WAC: variants seen among roughly 807,000 people sequenced by gnomAD.
WAC encodes WW domain-containing adapter protein with coiled-coil.
WAC carries 11 observed loss-of-function variants against 79.6 expected under a neutral mutation model. That is an observed-to-expected ratio of 0.14 (90% CI 0.09 to 0.23). WAC has a LOEUF of 0.23. Ranked by LOEUF, WAC falls within the 10% of genes least tolerant of loss-of-function variation. The probability of loss-of-function intolerance (pLI) is 1.00; values close to 1 mark genes in which losing one functional copy is unlikely to be tolerated. For synonymous variants in WAC, 304 were observed against 276.9 expected (o/e 1.10, Z -0.97); for missense variants, 728 against 773.5 (o/e 0.94, Z 0.70).
intron 7 of WAC, among the ~76,000 whole-genome samples, chr10:28,605,693 G>A (rs1239389639): frequency 6.6e-6 from 1 of 151,890 alleles, no homozygotes; most frequent in Non-Finnish European, 1.5e-5. Context: ...CTTTTGCTTG[G>A]CTTGATGAGC....
At chr10:28,559,136 A>ATGTATGTGTGTGTGTG (rs1554780980) in intron 3 of WAC, among the ~76,000 whole-genome samples, 4 of 146,762 alleles carry the variant, frequency 2.7e-5, no homozygotes, top group South Asian at 2.2e-4. Flanking sequence ...GAGAAACCTG[A>ATGTATGTGTGTGTGTG]TGTGTGTGTG....
At chr10:28,566,369 A>C (rs1838613131) in intron 3 of WAC, among the ~76,000 whole-genome samples, 1 of 152,226 alleles carries the variant, frequency 6.6e-6, no homozygotes, top group South Asian at 2.1e-4. Flanking sequence ...TTTACTGTAT[A>C]ATGTCAGTCC....
intron 3 of WAC, among the ~76,000 whole-genome samples, chr10:28,561,180 A>G (rs184967210): frequency 2.0e-5 from 3 of 152,312 alleles, no homozygotes; most frequent in East Asian, 1.9e-4. Flanking sequence ...GAATATTTCA[A>G]AATATTTTAG....
rs75684162 is a variant in WAC, at chr10:28,573,360, T to A, written c.275-10039T>A. Among the ~76,000 whole-genome samples, 1,011 of 152,170 alleles carry A rather than the reference T, an allele frequency of 6.6e-3. 11 individuals are homozygous for A. The highest frequency in any genetic ancestry group is 0.024 in the African/African-American group (979 of 41,562). On this transcript the variant is annotated intron_variant, in intron 3 of 13. Transcript: ENST00000354911. Reference sequence around the variant, plus strand: ...CTTTCTGTCTCTCTAGATTTTTGTTTTCTGGATATGTCATATAAACTGATT... The same window carrying A: ...CTTTCTGTCTCTCTAGATTTTTGTTATCTGGATATGTCATATAAACTGATT...
At position 28,583,578 on chromosome 10, in the gene WAC, T is replaced by C. The variant is rs910849094; in HGVS notation, c.381+73T>C. 4.4e-4 allele frequency: 430 copies of C among 981,570 alleles called. 1 individual carries two copies. Among genetic ancestry groups the C allele is most frequent in the Admixed American group, 9.7e-4 (35 of 36,182 alleles). The allele number at this position is 981,570 out of a possible 1,614,324, so 60.8% of individuals were successfully genotyped here. A position where few individuals can be genotyped will look rare whatever the true frequency, so the allele number is the denominator to read the frequency against. On this transcript the variant is annotated intron_variant, in intron 4 of 13. Transcript: ENST00000354911. Reference sequence around the variant, plus strand: ...AAAAAAAAAAAAAAAATACAACCCATGGCAAGTCTTGTAAAATCTAATGTC... The same window carrying C: ...AAAAAAAAAAAAAAAATACAACCCACGGCAAGTCTTGTAAAATCTAATGTC...
intron 13 of WAC, 97 bp downstream of exon 13, chr10:28,617,881 AAG>A: frequency 7.3e-7 from 1 of 1,368,524 alleles, no homozygotes; most frequent in Non-Finnish European, 9.7e-7. Context: ...ATGAAATGTA[AAG>A]TTCTCTTCGA....
At chr10:28,551,893 C>T (rs557835318) in intron 3 of WAC, among the ~76,000 whole-genome samples, 4 of 149,232 alleles carry the variant, frequency 2.7e-5, no homozygotes, top group South Asian at 2.1e-4. Flanking sequence ...GGCACGATCT[C>T]GGCTCACTGC....
intron 4 of WAC, among the ~76,000 whole-genome samples, chr10:28,586,856 C>G (rs1042753584): frequency 6.6e-6 from 1 of 152,154 alleles, no homozygotes; most frequent in Admixed American, 6.6e-5. Flanking sequence ...TCTAAATATT[C>G]TATGCCAATT....
Position 28,608,448 on chromosome 10 carries a change from G to GT in WAC, c.1165+23dup. 1 of 1,552,750 alleles carries GT rather than the reference G, an allele frequency of 6.4e-7. No homozygotes were observed. Among genetic ancestry groups the GT allele is most frequent in the Non-Finnish European group, 8.7e-7 (1 of 1,148,196 alleles). ...TAAATGAAGGTAAATCTTCATAACA[G>GT]TTTTTTAAAAATTTATTTGCATTGT... On this transcript the variant is annotated intron_variant, in intron 8 of 13. Coordinates refer to ENST00000354911, the MANE Select transcript of WAC (RefSeq NM_016628.5).
At chr10:28,586,194 T>A (rs963057628) in intron 4 of WAC, among the ~76,000 whole-genome samples, 19 of 152,224 alleles carry the variant, frequency 1.2e-4, no homozygotes, top group Admixed American at 4.6e-4. Flanking sequence ...GGTGATTTTT[T>A]AAAATCAAGT....
chr10:28,614,535 G>A (rs1841394091), intron 10 of WAC, 32 bp from the exon 11 acceptor site: 1 of 1,542,594 alleles, frequency 6.5e-7, no homozygotes. Flanking sequence ...GATTAGATTT[G>A]GAGACCATCT....
chr10:28,557,652 CCACTG>C (rs1838068340), intron 3 of WAC, among the ~76,000 whole-genome samples: 1 of 152,014 alleles, frequency 6.6e-6, no homozygotes, highest in African/African-American at 2.4e-5. Flanking sequence ...CATCATTGTT[CCACTG>C]CACTCCAGCC....
At chr10:28,576,196 A>G (rs1345395008) in intron 3 of WAC, among the ~76,000 whole-genome samples, 1 of 152,226 alleles carries the variant, frequency 6.6e-6, no homozygotes, top group East Asian at 1.9e-4. Context: ...ATAGTAATAT[A>G]TACATAATAA....
intron 12 of WAC, 31 bp from the exon 13 acceptor site, chr10:28,617,619 GTTTATAT>G (rs1432187381): frequency 1.3e-6 from 2 of 1,515,224 alleles, no homozygotes; most frequent in Middle Eastern, 1.9e-4. Flanking sequence ...GTATGTTAAT[GTTTATAT>G]TTTATGTTTT....
chr10:28,535,369 A>C, intron 2 of WAC, 193 bp from the exon 3 acceptor site: 2 of 419,668 alleles, frequency 4.8e-6, no homozygotes, highest in Non-Finnish European at 4.0e-6. Flanking sequence ...TGTTATCAGG[A>C]GTCTTATTGT....
chr10:28,544,939 C>CCTGTAAT (rs1837268347), intron 3 of WAC, among the ~76,000 whole-genome samples: 1 of 151,326 alleles, frequency 6.6e-6, no homozygotes. Context: ...GTGGTGCATA[C>CCTGTAAT]CTGTAATCCC....
rs11592876 is a variant in WAC, at chr10:28,614,168, C to T, written c.1438-399C>T. Among the ~76,000 whole-genome samples, 846 of 151,910 alleles carry T rather than the reference C, an allele frequency of 5.6e-3. 5 individuals carry two copies. Among genetic ancestry groups the T allele is most frequent in the Non-Finnish European group, 9.3e-3 (635 of 67,936 alleles). ...TCGCCCAGGCGGGAGTGCTGTGGCGCGATCTCCGCTCACTGCAAGCTCCGC... is the reference window on the plus strand; with the variant it reads ...TCGCCCAGGCGGGAGTGCTGTGGCGTGATCTCCGCTCACTGCAAGCTCCGC... On this transcript the variant is annotated intron_variant, in intron 10 of 13. Transcript: ENST00000354911.
At chr10:28,544,671 G>A (rs1837254069) in intron 3 of WAC, among the ~76,000 whole-genome samples, 1 of 152,144 alleles carries the variant, frequency 6.6e-6, no homozygotes, top group Admixed American at 6.5e-5. Context: ...CCAAATGAGA[G>A]TTACATGATG....
intron 3 of WAC, among the ~76,000 whole-genome samples, chr10:28,545,396 C>G (rs1837298997): frequency 6.6e-6 from 1 of 152,148 alleles, no homozygotes; most frequent in Non-Finnish European, 1.5e-5. Flanking sequence ...AGGAGAATTG[C>G]TTGAACCCGT....
Sources: allele counts gnomAD v4.1 joint callset (sites outside exome capture counted in the v4.1 genomes callset), GRCh38; gene constraint gnomAD v4.1.1; transcripts MANE v1.5; gene names NCBI Gene and HGNC (gene_info 2026-07-23, HGNC 2026-07-21).